DLG2: variants seen among roughly 807,000 people sequenced by gnomAD.
DLG2 encodes the protein discs large MAGUK scaffold protein 2.
A neutral mutation model predicts 132.5 loss-of-function variants in DLG2; 45 were observed. The observed-to-expected ratio is 0.34, with a 90% confidence interval of 0.27 to 0.44. The LOEUF is 0.44. DLG2 is among the 20% of genes least tolerant of loss of function. The pLI is 1.00. For synonymous variants in DLG2, 424 were observed against 419.6 expected (o/e 1.01, Z -0.13); for missense variants, 1,045 against 1,196.9 (o/e 0.87, Z 1.87).
At chr11:83,695,703 C>CA (rs1202217323) in intron 18 of DLG2, among the ~76,000 whole-genome samples, 2 of 152,136 alleles carry the variant, frequency 1.3e-5, no homozygotes, top group African/African-American at 4.8e-5. Flanking sequence ...GGTGCCACTG[C>CA]ACTCCAGCCT....
chr11:85,239,364 A>G (rs1418435319), intron 4 of DLG2, among the ~76,000 whole-genome samples: 2 of 152,058 alleles, frequency 1.3e-5, no homozygotes, highest in African/African-American at 4.8e-5. Context: ...AAGTTTTTAT[A>G]CATTTTAGTT....
intron 7 of DLG2, among the ~76,000 whole-genome samples, chr11:84,292,955 A>G (rs1440611414): frequency 6.6e-6 from 1 of 152,230 alleles, no homozygotes; most frequent in Non-Finnish European, 1.5e-5. Flanking sequence ...ATATTTTAAG[A>G]AAGTTTACAA....
intron 6 of DLG2, among the ~76,000 whole-genome samples, chr11:84,987,135 C>A (rs939596600): frequency 6.6e-6 from 1 of 152,100 alleles, no homozygotes; most frequent in Non-Finnish European, 1.5e-5. Flanking sequence ...AGTGGAGAAT[C>A]AAATCAAGAA....
intron 3 of DLG2, among the ~76,000 whole-genome samples, chr11:85,411,132 A>G (rs2089272038): frequency 6.6e-6 from 1 of 151,912 alleles, no homozygotes; most frequent in Non-Finnish European, 1.5e-5. Context: ...AGAAGTATAA[A>G]GAGAACAAGT....
At chr11:84,345,686 G>T (rs894676863) in intron 7 of DLG2, among the ~76,000 whole-genome samples, 2 of 151,780 alleles carry the variant, frequency 1.3e-5, no homozygotes, top group Non-Finnish European at 2.9e-5. Context: ...CTGGTACTTT[G>T]TAATGACAGA....
chr11:84,255,117 G>A (rs375169932), intron 7 of DLG2, among the ~76,000 whole-genome samples: 5 of 152,102 alleles, frequency 3.3e-5, no homozygotes, highest in Non-Finnish European at 5.9e-5. Flanking sequence ...GCCTATGAGT[G>A]TGCTCTTCTC....
intron 7 of DLG2, among the ~76,000 whole-genome samples, chr11:84,382,818 C>G (rs1349959704): frequency 6.6e-6 from 1 of 151,780 alleles, no homozygotes; most frequent in Non-Finnish European, 1.5e-5. Flanking sequence ...ATAATTGATA[C>G]CATATTAGTT....
intron 8 of DLG2, among the ~76,000 whole-genome samples, chr11:84,220,925 T>G (rs540993810): frequency 6.7e-6 from 1 of 150,222 alleles, no homozygotes; most frequent in Admixed American, 6.6e-5. Context: ...GGACTACAGG[T>G]GCATGGTGCA....
intron 20 of DLG2, among the ~76,000 whole-genome samples, chr11:83,533,282 TTC>T (rs1322152528): frequency 6.6e-6 from 1 of 152,188 alleles, no homozygotes; most frequent in African/African-American, 2.4e-5. Context: ...CCCAATGTCC[TTC>T]TGTCATCTCT....
At chr11:85,363,462 G>A (rs2084309917) in intron 3 of DLG2, among the ~76,000 whole-genome samples, 2 of 152,202 alleles carry the variant, frequency 1.3e-5, no homozygotes, top group Non-Finnish European at 2.9e-5. Context: ...ATTGTAGGAA[G>A]ACATCTATGG....
chr11:83,686,130 C>T (rs561246775), intron 18 of DLG2, among the ~76,000 whole-genome samples: 3 of 152,242 alleles, frequency 2.0e-5, no homozygotes, highest in Non-Finnish European at 4.4e-5. Flanking sequence ...CACCCTTCCT[C>T]CACACAGCAG....
intron 5 of DLG2, among the ~76,000 whole-genome samples, chr11:85,138,053 A>G (rs768873940): frequency 6.6e-6 from 1 of 152,178 alleles, no homozygotes; most frequent in African/African-American, 2.4e-5. Context: ...AAAACTAAAC[A>G]AGCAAAATTT....
chr11:85,588,140 G>T (rs550848487), intron 3 of DLG2, among the ~76,000 whole-genome samples: 1 of 152,194 alleles, frequency 6.6e-6, no homozygotes, highest in African/African-American at 2.4e-5. Flanking sequence ...TCTTTCCTTT[G>T]TTCTTGACTT....
At chr11:83,532,601 G>C (rs1355229448) in intron 21 of DLG2, 107 bp downstream of exon 21, 12 of 882,044 alleles carry the variant, frequency 1.4e-5, no homozygotes, top group Non-Finnish European at 1.9e-5. Flanking sequence ...GTGCTCTACT[G>C]TCTGGTACCT....
intron 19 of DLG2, among the ~76,000 whole-genome samples, chr11:83,570,049 C>A (rs1368234985): frequency 6.6e-6 from 1 of 152,228 alleles, no homozygotes; most frequent in African/African-American, 2.4e-5. Context: ...TGGCTGGTCA[C>A]TTCATGCACT....
chr11:85,146,227 C>CCTCT (rs35640163), intron 5 of DLG2, among the ~76,000 whole-genome samples: 11,852 of 128,998 alleles, frequency 0.092, 650 homozygotes, highest in Middle Eastern at 0.12. Context: ...TCTGTTTCTC[C>CCTCT]CTCTCTCTCT....
At chr11:85,541,664 G>T (rs1276671042) in intron 3 of DLG2, among the ~76,000 whole-genome samples, 1 of 151,946 alleles carries the variant, frequency 6.6e-6, no homozygotes, top group African/African-American at 2.4e-5. Context: ...AAAAAACACA[G>T]ATTTGAAGTC....
intron 11 of DLG2, among the ~76,000 whole-genome samples, chr11:84,021,685 T>C (rs997457192): frequency 1.3e-5 from 2 of 152,154 alleles, no homozygotes; most frequent in Non-Finnish European, 2.9e-5. Flanking sequence ...GGAAATAAGT[T>C]ACATATTAGC....
chr11:85,626,292 C>A (rs1376478289), intron 2 of DLG2, among the ~76,000 whole-genome samples: 1 of 152,174 alleles, frequency 6.6e-6, no homozygotes, highest in African/African-American at 2.4e-5. Context: ...AAGTAACCTT[C>A]AACAAGCTAA....
Sources: gnomAD v4.1 joint callset for allele counts (sites outside exome capture counted in the v4.1 genomes callset) on GRCh38, gnomAD v4.1.1 for gene constraint, MANE v1.5 for transcripts, NCBI Gene and HGNC (gene_info 2026-07-23, HGNC 2026-07-21) for gene names.